Variants in SHANK2 observed in about 807,000 individuals in gnomAD.
SHANK2 encodes SH3 and multiple ankyrin repeat domains protein 2.
In SHANK2, 43 loss-of-function variants were observed where a neutral mutation model predicts 133.7. The observed-to-expected ratio is 0.32, with a 90% confidence interval of 0.25 to 0.41. SHANK2 has a LOEUF of 0.41. SHANK2 is among the 10% of genes least tolerant of loss of function. The probability of loss-of-function intolerance (pLI) is 1.00; values close to 1 mark genes in which losing one functional copy is unlikely to be tolerated. For synonymous variants in SHANK2, 1,017 were observed against 952.8 expected (o/e 1.07, Z -1.24); for missense variants, 1,994 against 2,235.8 (o/e 0.89, Z 2.18).
chr11:70,534,633 G>A (rs1554973847), intron 17 of SHANK2, among the ~76,000 whole-genome samples: 1 of 152,188 alleles, frequency 6.6e-6, no homozygotes, highest in African/African-American at 2.4e-5. Context: ...GAGCCAGGCT[G>A]GCTTCAACAA....
At chr11:71,078,799 G>A (rs1951254063) in intron 8 of SHANK2, among the ~76,000 whole-genome samples, 1 of 152,258 alleles carries the variant, frequency 6.6e-6, no homozygotes, top group African/African-American at 2.4e-5. Flanking sequence ...TAATTTGCAT[G>A]TAATTAAAAG....
intron 11 of SHANK2, among the ~76,000 whole-genome samples, chr11:70,850,397 C>A (rs1411132990): frequency 1.3e-5 from 2 of 152,202 alleles, no homozygotes; most frequent in Non-Finnish European, 2.9e-5. Context: ...AAGCAACTGG[C>A]TCACTTTACC....
chr11:70,830,041 A>G lies in SHANK2; in HGVS notation c.1175-9359T>C, dbSNP rs1948703765. Among the ~76,000 whole-genome samples the G allele has an allele frequency of 1.3e-5, 2 of 151,996 alleles. No individual in the cohort carries two copies. Among genetic ancestry groups the G allele is most frequent in the African/African-American group, 2.4e-5 (1 of 41,376 alleles). On this transcript the variant is annotated intron_variant, in intron 11 of 25. Transcript: ENST00000601538. The surrounding 1 kb of genome is among the most constrained non-coding windows in gnomAD (Gnocchi z 4.4). ...GTAAGAGCCTCCTTCCCCCACACCCACCACTTGCCCCCTTCCCTGGTGGGT... is the reference window on the plus strand; with the variant it reads ...GTAAGAGCCTCCTTCCCCCACACCCGCCACTTGCCCCCTTCCCTGGTGGGT...
intron 2 of SHANK2, among the ~76,000 whole-genome samples, chr11:71,168,408 C>T (rs1279315000): frequency 2.0e-5 from 3 of 151,674 alleles, no homozygotes; most frequent in Non-Finnish European, 4.4e-5. Flanking sequence ...ACGCTCCTCA[C>T]TTCCCAGACG....
At chr11:70,724,222 G>T (rs1283291524) in intron 14 of SHANK2, among the ~76,000 whole-genome samples, 1 of 152,068 alleles carries the variant, frequency 6.6e-6, no homozygotes, top group African/African-American at 2.4e-5. Flanking sequence ...TTTTAGTAGA[G>T]ACAGGGTTTC....
intron 11 of SHANK2, among the ~76,000 whole-genome samples, chr11:70,890,955 G>A (rs543619974): frequency 1.3e-5 from 2 of 149,508 alleles, no homozygotes; most frequent in Non-Finnish European, 3.0e-5. Context: ...CAGAGTGATA[G>A]ACTCCGCCTC....
chr11:70,807,997 C>T lies in SHANK2; in HGVS notation c.1494-826G>A, dbSNP rs909679253. On this transcript the variant is annotated intron_variant, in intron 12 of 25. Coordinates refer to ENST00000601538, the MANE Select transcript of SHANK2 (RefSeq NM_012309.5). The surrounding 1 kb of genome is among the most constrained non-coding windows in gnomAD (Gnocchi z 4.8). The stretch of plus-strand genomic sequence containing the variant: ...ACACAGAAAGTAGAATGGCGGGTGC[C>T]GGGGGCTGGTGGAGAGAATGGGGAG... 2.9e-4 allele frequency among the ~76,000 whole-genome samples: 44 copies of T among 151,994 alleles called. 2 individuals are homozygous for T. Among genetic ancestry groups the T allele is most frequent in the Admixed American group, 2.5e-3 (38 of 15,252 alleles).
At chr11:70,747,293 G>A (rs1301036430) in intron 14 of SHANK2, among the ~76,000 whole-genome samples, 1 of 152,076 alleles carries the variant, frequency 6.6e-6, no homozygotes, top group Non-Finnish European at 1.5e-5. Flanking sequence ...GGATTGCCCT[G>A]CTCTCCAGAA....
chr11:70,706,843 C>T (rs1555025034), intron 14 of SHANK2, among the ~76,000 whole-genome samples: 2 of 152,018 alleles, frequency 1.3e-5, no homozygotes, highest in South Asian at 4.2e-4. Context: ...TTCAGACTGT[C>T]AGCATTTAAA....
chr11:70,543,020 G>T (rs1370892182), intron 17 of SHANK2, among the ~76,000 whole-genome samples: 1 of 152,178 alleles, frequency 6.6e-6, no homozygotes, highest in Non-Finnish European at 1.5e-5. Flanking sequence ...GGCAGGGGCG[G>T]CATGCGCTGG....
chr11:70,643,298 T>A (rs2061211717), intron 17 of SHANK2, among the ~76,000 whole-genome samples: 1 of 152,178 alleles, frequency 6.6e-6, no homozygotes, highest in South Asian at 2.1e-4. Flanking sequence ...GTGCGGTGGC[T>A]CACACCTGTA....
chr11:70,861,042 G>A (rs1352367086), intron 11 of SHANK2, among the ~76,000 whole-genome samples: 1 of 152,176 alleles, frequency 6.6e-6, no homozygotes, highest in Non-Finnish European at 1.5e-5. Context: ...GGCCTTTCCG[G>A]GCCCCCTTGT....
intron 14 of SHANK2, among the ~76,000 whole-genome samples, chr11:70,713,920 C>T (rs532271672): frequency 1.3e-5 from 2 of 152,348 alleles, no homozygotes; most frequent in South Asian, 2.1e-4. Context: ...TGCCAGTGTC[C>T]AAGCTCTGGG....
At position 71,147,265 on chromosome 11, in the gene SHANK2, A is replaced by G; in HGVS notation, c.62T>C (p.Val21Ala). 6.4e-7 allele frequency: 1 copy of G among 1,550,936 alleles called. No homozygotes were observed. The highest frequency in any genetic ancestry group is 8.7e-7 in the Non-Finnish European group (1 of 1,146,926). Residue 21 changes from valine to alanine, a missense_variant, in exon 3 of 26, where the codon GTG becomes GCG. This residue lies in a region of SHANK2 where 653 missense variants were observed against 563.4 expected (regional missense o/e 1.16). Transcript: ENST00000601538. ...TTTGGAGCTGTCTGACTCCGACCCCACGGAGTAGTCGGAGAAGCTCTGGGC... is the reference window on the plus strand; with the variant it reads ...TTTGGAGCTGTCTGACTCCGACCCCGCGGAGTAGTCGGAGAAGCTCTGGGC... ...EMAQSFSDYS[V>A]GSESDSSKEE...
chr11:71,085,725 T>TTATAG (rs1565441760), intron 8 of SHANK2, among the ~76,000 whole-genome samples: 1 of 55,380 alleles, frequency 1.8e-5, no homozygotes, highest in African/African-American at 6.0e-5. Flanking sequence ...TTATATTATA[T>TTATAG]AAAATATAAT....
intron 15 of SHANK2, among the ~76,000 whole-genome samples, chr11:70,686,540 C>G (rs1591749237): frequency 6.6e-6 from 1 of 152,154 alleles, no homozygotes; most frequent in South Asian, 2.1e-4. Context: ...TCTCTCCACT[C>G]AACTCTCCAT....
chr11:70,913,618 A>G (rs998490065), intron 10 of SHANK2, among the ~76,000 whole-genome samples: 6 of 152,198 alleles, frequency 3.9e-5, no homozygotes, highest in Non-Finnish European at 7.3e-5. Flanking sequence ...AAATAATTTA[A>G]AAACCACTAA....
chr11:70,705,317 T>C (rs940413397), intron 14 of SHANK2: 2 of 152,198 alleles, frequency 1.3e-5, no homozygotes, highest in African/African-American at 4.8e-5. Flanking sequence ...AGCTGACTGA[T>C]ACACATCTCC....
At chr11:70,917,443 T>C (rs1469429550) in intron 10 of SHANK2, among the ~76,000 whole-genome samples, 1 of 152,182 alleles carries the variant, frequency 6.6e-6, no homozygotes, top group African/African-American at 2.4e-5. Context: ...TGAAAGACAG[T>C]GTGGAGATTC....
Sources: allele counts gnomAD v4.1 joint callset (sites outside exome capture counted in the v4.1 genomes callset), GRCh38; gene constraint gnomAD v4.1.1; regional missense constraint gnomAD v4.1.1; non-coding constraint Gnocchi (gnomAD v3.1); transcripts MANE v1.5; gene names NCBI Gene and HGNC (gene_info 2026-07-23, HGNC 2026-07-21).